The following KCTD6 variants were observed in gnomAD, a reference collection of about 807,000 sequenced individuals.
The protein encoded by KCTD6 is BTB/POZ domain-containing protein KCTD6.
Under a neutral mutation model 18.7 loss-of-function variants are expected in KCTD6, and 6 were observed. That is an observed-to-expected ratio of 0.32 (90% CI 0.18 to 0.63). The LOEUF is 0.63. Among genes scored for constraint, KCTD6 ranks in the 30% least tolerant of loss-of-function variants. The pLI is 0.79. For missense variants in KCTD6, 165 were observed against 300.2 expected, an observed-to-expected ratio of 0.55 and a Z score of 3.33; for synonymous variants, 86 against 108.5, an observed-to-expected ratio of 0.79 and a Z score of 1.29.
Position 58,498,952 on chromosome 3 carries a change from T to C in KCTD6, c.27+170T>C, listed in dbSNP as rs1162874410. On this transcript the variant is annotated intron_variant, in intron 2 of 2. Coordinates refer to ENST00000404589, the MANE Select transcript of KCTD6 (RefSeq NM_001128214.2). The surrounding 1 kb of genome is among the most constrained non-coding windows in gnomAD (Gnocchi z 4.6). The stretch of plus-strand genomic sequence containing the variant: ...ATGTATTTTGGAGGCGTTTTTGTCT[T>C]GTGTGGTGTTTTTTAAATTTTTATT... Among the ~76,000 whole-genome samples, 1 of 152,156 alleles carries C rather than the reference T, an allele frequency of 6.6e-6. No homozygotes were observed. The highest frequency in any genetic ancestry group is 1.5e-5 in the Non-Finnish European group (1 of 68,022).
chr3:58,493,222 G>A lies in KCTD6; in HGVS notation c.-44+1053G>A, dbSNP rs1002387424. On this transcript the variant is annotated intron_variant, in intron 1 of 2. Transcript: ENST00000404589. This position sits in a 1 kb window ranked among gnomAD's most constrained non-coding sequence, Gnocchi z 4.5. The stretch of plus-strand genomic sequence containing the variant: ...TGTCAGCAGGGTTGGTAGGTTGAGA[G>A]TATTTTCTCTTTGGCCGAAACCATC... 1.3e-5 allele frequency among the ~76,000 whole-genome samples: 2 copies of A among 152,160 alleles called. No individual in the cohort carries two copies. The highest frequency in any genetic ancestry group is 3.9e-4 in the East Asian group (2 of 5,192).
In KCTD6 at chr3:58,498,602, G is replaced by A; in HGVS notation, c.-43-111G>A. The A allele has an allele frequency of 1.4e-6, 1 of 692,130 alleles. No homozygotes were observed. Among genetic ancestry groups the A allele is most frequent in the Non-Finnish European group, 2.6e-6 (1 of 387,968 alleles). The allele number at this position is 692,130 out of a possible 1,614,324, so 42.9% of individuals were successfully genotyped here. A position where few individuals can be genotyped will look rare whatever the true frequency, so the allele number is the denominator to read the frequency against. ...CCTGTAGTAGGTTTCAGCTGAGCAA[G>A]GACGAGTAGTTTTTCTGGTGTTTGG... is the stretch of plus-strand genomic sequence containing the variant. On this transcript the variant is annotated intron_variant, in intron 1 of 2. Transcript: ENST00000404589. The surrounding 1 kb of genome is among the most constrained non-coding windows in gnomAD (Gnocchi z 4.6).
At chr3:58,495,351 G>A (rs1190228407) in intron 1 of KCTD6, among the ~76,000 whole-genome samples, 3 of 152,146 alleles carry the variant, frequency 2.0e-5, no homozygotes, top group Non-Finnish European at 4.4e-5. Flanking sequence ...AGTAGCTCTG[G>A]AAAATGATTC....
intron 2 of KCTD6, chr3:58,500,308 T>C (rs1295435232): frequency 2.1e-5 from 3 of 143,550 alleles, no homozygotes; most frequent in African/African-American, 7.8e-5. Context: ...GTATTTTTAA[T>C]AGAGATGGGG....
intron 2 of KCTD6, among the ~76,000 whole-genome samples, chr3:58,499,055 C>T (rs189893352): frequency 1.2e-4 from 18 of 151,842 alleles, no homozygotes; most frequent in African/African-American, 3.9e-4. Context: ...CTGCAACCTC[C>T]ACCTCCTAGG....
intron 1 of KCTD6, among the ~76,000 whole-genome samples, chr3:58,495,287 A>T (rs1456478370): frequency 6.6e-6 from 1 of 152,110 alleles, no homozygotes; most frequent in East Asian, 1.9e-4. Context: ...TCCACTGGAG[A>T]CTGTGCCAGA....
Position 58,500,993 on chromosome 3 carries a change from G to A in KCTD6, c.75G>A (p.Thr25=), listed in dbSNP as rs750286260. The A allele has an allele frequency of 6.8e-6, 11 of 1,610,246 alleles. No individual in the cohort carries two copies. The highest frequency in any genetic ancestry group is 1.3e-5 in the African/African-American group (1 of 74,642). Residue 25 remains threonine (T), a synonymous_variant, in exon 3 of 3, where the codon ACG becomes ACA. Coordinates refer to ENST00000404589, the MANE Select transcript of KCTD6 (RefSeq NM_001128214.2). ...ATGTAGGTGGACACTTGTATACAACGTCTCTCACCACATTGACGCGTTACC... is the reference window on the plus strand; with the variant it reads ...ATGTAGGTGGACACTTGTATACAACATCTCTCACCACATTGACGCGTTACC... ...TLNVGGHLYT[T]SLTTLTRYPD...
In KCTD6 at chr3:58,501,808, C is replaced by T; in HGVS notation, c.*176C>T. 1 of 409,048 alleles carries T rather than the reference C, an allele frequency of 2.4e-6. No homozygotes were observed. Among genetic ancestry groups the T allele is most frequent in the Non-Finnish European group, 4.3e-6 (1 of 231,238 alleles). 25.3% of individuals were successfully genotyped at this position (409,048 alleles called of 1,614,324 possible). On this transcript the variant is annotated 3_prime_UTR_variant, in exon 3 of 3. Transcript: ENST00000404589. This position sits in a 1 kb window ranked among gnomAD's most constrained non-coding sequence, Gnocchi z 9.7. ...TTGGCAGACTCCTCCATGTTTTGTT[C>T]CCTTCCCCCTGAGTATGCATGTGCC...
rs979216697 is a variant in KCTD6, at chr3:58,493,821, A to T, written c.-44+1652A>T. 15 of 152,148 alleles carry T rather than the reference A, an allele frequency of 9.9e-5. No homozygotes were observed. The highest frequency in any genetic ancestry group is 2.9e-4 in the African/African-American group (12 of 41,404). 9.4% of individuals were successfully genotyped at this position (152,148 alleles called of 1,614,324 possible). On this transcript the variant is annotated intron_variant, in intron 1 of 2. Coordinates refer to ENST00000404589, the MANE Select transcript of KCTD6 (RefSeq NM_001128214.2). This position sits in a 1 kb window ranked among gnomAD's most constrained non-coding sequence, Gnocchi z 4.5. ...GTTTACAGATGGTTTTATATTCATG[A>T]TCTCCCTTATTTTCTCCATTTCCCC...
Position 58,497,786 on chromosome 3 carries a change from A to G in KCTD6, c.-43-927A>G, listed in dbSNP as rs1396805049. Reference sequence around the variant, plus strand: ...ATTTGTTTTAATTGTACAAAGAGAAATACATCATTATTTAAAAGCATCATC... The same window carrying G: ...ATTTGTTTTAATTGTACAAAGAGAAGTACATCATTATTTAAAAGCATCATC... On this transcript the variant is annotated intron_variant, in intron 1 of 2. Transcript: ENST00000404589. The surrounding 1 kb of genome is among the most constrained non-coding windows in gnomAD (Gnocchi z 4.2). 6.6e-6 allele frequency: 1 copy of G among 152,148 alleles called. No homozygotes were observed. The highest frequency in any genetic ancestry group is 1.5e-5 in the Non-Finnish European group (1 of 68,032). The allele number at this position is 152,148 out of a possible 1,614,324, so 9.4% of individuals were successfully genotyped here.
chr3:58,492,774 G>A lies in KCTD6; in HGVS notation c.-44+605G>A, dbSNP rs2063160659. ...AGAGGTGATAAATGGCCATGGTAAT[G>A]GGGAGCCCTGGCAGCACCTGCTGGG... On this transcript the variant is annotated intron_variant, in intron 1 of 2. Coordinates refer to ENST00000404589, the MANE Select transcript of KCTD6 (RefSeq NM_001128214.2). The surrounding 1 kb of genome is among the most constrained non-coding windows in gnomAD (Gnocchi z 6.1). 1.3e-5 allele frequency among the ~76,000 whole-genome samples: 2 copies of A among 152,138 alleles called. No homozygotes were observed. The highest frequency in any genetic ancestry group is 2.9e-5 in the Non-Finnish European group (2 of 68,034).
rs2063160318 is a variant in KCTD6, at chr3:58,492,701, T to C, written c.-44+532T>C. Among the ~76,000 whole-genome samples, 1 of 152,210 alleles carries C rather than the reference T, an allele frequency of 6.6e-6. No individual in the cohort carries two copies. The highest frequency in any genetic ancestry group is 2.4e-5 in the African/African-American group (1 of 41,454). ...ACTCTCAGATCGCAGCTGAGTTCTT[T>C]ATGCCTAGATTTGTGTGTGTGTGGT... On this transcript the variant is annotated intron_variant, in intron 1 of 2. Transcript: ENST00000404589. The surrounding 1 kb of genome is among the most constrained non-coding windows in gnomAD (Gnocchi z 6.1).
At chr3:58,499,181 GCTGATCTCGAACTC>G (rs2063193392) in intron 2 of KCTD6, among the ~76,000 whole-genome samples, 1 of 152,112 alleles carries the variant, frequency 6.6e-6, no homozygotes, top group African/African-American at 2.4e-5. Flanking sequence ...TGTTGGCCAG[GCTGATCTCGAACTC>G]CTGACCTCAA....
At position 58,496,527 on chromosome 3, in the gene KCTD6, A is replaced by G. The variant is rs1384239225; in HGVS notation, c.-43-2186A>G. On this transcript the variant is annotated intron_variant, in intron 1 of 2. Coordinates refer to ENST00000404589, the MANE Select transcript of KCTD6 (RefSeq NM_001128214.2). The surrounding 1 kb of genome is among the most constrained non-coding windows in gnomAD (Gnocchi z 5.1). ...AGTCTTTCATGCCCCTGTCTATTAA[A>G]TTGTTTCTTCCTTCTAGAATCCCTT... is the stretch of plus-strand genomic sequence containing the variant. Among the ~76,000 whole-genome samples, 2 of 152,160 alleles carry G rather than the reference A, an allele frequency of 1.3e-5. No individual in the cohort carries two copies.
At chr3:58,500,632 A>G (rs1024534336) in intron 2 of KCTD6, among the ~76,000 whole-genome samples, 1 of 152,150 alleles carries the variant, frequency 6.6e-6, no homozygotes, top group African/African-American at 2.4e-5. Flanking sequence ...TCCCACATAT[A>G]TTCTGGCCTG....
intron 1 of KCTD6, among the ~76,000 whole-genome samples, chr3:58,495,515 T>G (rs902565633): frequency 2.6e-5 from 4 of 152,092 alleles, no homozygotes; most frequent in Admixed American, 1.3e-4. Context: ...CATGCTTTTT[T>G]TTTGTTTGTT....
chr3:58,498,659 C>A lies in KCTD6; in HGVS notation c.-43-54C>A. The A allele has an allele frequency of 1.1e-6, 1 of 935,980 alleles. No homozygotes were observed. The highest frequency in any genetic ancestry group is 1.4e-5 in the South Asian group (1 of 72,300). 58.0% of individuals were successfully genotyped at this position (935,980 alleles called of 1,614,324 possible). On this transcript the variant is annotated intron_variant, in intron 1 of 2. Coordinates refer to ENST00000404589, the MANE Select transcript of KCTD6 (RefSeq NM_001128214.2). The surrounding 1 kb of genome is among the most constrained non-coding windows in gnomAD (Gnocchi z 4.6). ...CTGTTGGGTGGAAAAAGACTTTCTT[C>A]TCTATTTTCCTAGTTATATATGCTA...
At position 58,501,192 on chromosome 3, in the gene KCTD6, G is replaced by T. The variant is rs1560205317; in HGVS notation, c.274G>T (p.Glu92Ter). The change falls in exon 3 of 3, where the codon GAA (glutamate) becomes TAA (stop). Residue 92 changes from glutamate to a stop codon, truncating the protein, a stop_gained. Transcript: ENST00000404589. LOFTEE classifies it high-confidence loss of function. This position sits in a 1 kb window ranked among gnomAD's most constrained non-coding sequence, Gnocchi z 9.7. ...TAAGGAATTTGATCTGCTTCGGAAA[G>T]AAGCAGATTTTTACCAGATTGAGCC... ...DFKEFDLLRK[E>*]ADFYQIEPLI... 1 of 1,614,186 alleles carries T rather than the reference G, an allele frequency of 6.2e-7. No individual in the cohort carries two copies.
In KCTD6 at chr3:58,496,467, C is replaced by T. The variant is rs1427646111; in HGVS notation, c.-43-2246C>T. ...GATGAGGATAGTAATCCCTGCTCGG[C>T]CTACTGGTATCAGGAATGTTGTAGG... On this transcript the variant is annotated intron_variant, in intron 1 of 2. Transcript: ENST00000404589. This position sits in a 1 kb window ranked among gnomAD's most constrained non-coding sequence, Gnocchi z 5.1. Among the ~76,000 whole-genome samples, 4 of 152,176 alleles carry T rather than the reference C, an allele frequency of 2.6e-5. No homozygotes were observed. Among genetic ancestry groups the T allele is most frequent in the Non-Finnish European group, 1.5e-5 (1 of 68,032 alleles).
Sources: allele counts gnomAD v4.1 joint callset (sites outside exome capture counted in the v4.1 genomes callset), GRCh38; gene constraint gnomAD v4.1.1; non-coding constraint Gnocchi (gnomAD v3.1); transcripts MANE v1.5; gene names NCBI Gene and HGNC (gene_info 2026-07-23, HGNC 2026-07-21).